The following PLB1 variants were observed in gnomAD, a reference collection of about 807,000 sequenced individuals.
The protein encoded by PLB1 is phospholipase B1, membrane-associated.
In PLB1, 242 loss-of-function variants were observed where a neutral mutation model predicts 227.4. The ratio of observed to expected loss-of-function variants is 1.06; its 90% CI spans 0.96 to 1.18. The LOEUF (loss-of-function observed/expected upper bound fraction) is 1.18. Among genes scored for constraint, PLB1 ranks in the 50% most tolerant of loss-of-function variants. The pLI is 0.00. For synonymous variants in PLB1, 757 were observed against 682.2 expected (o/e 1.11, Z -1.71); for missense variants, 1,858 against 1,816.3 (o/e 1.02, Z -0.42).
intron 49 of PLB1, among the ~76,000 whole-genome samples, chr2:28,624,812 C>T (rs1433462240): frequency 1.3e-5 from 2 of 152,068 alleles, no homozygotes; most frequent in South Asian, 4.1e-4. Flanking sequence ...TGAGGGGAGG[C>T]TTGACGGGAT....
chr2:28,606,054 G>C (rs1684631208), intron 42 of PLB1, 106 bp downstream of exon 42: 1 of 878,294 alleles, frequency 1.1e-6, no homozygotes, highest in East Asian at 2.4e-5. Flanking sequence ...GGCAGTGGCT[G>C]GTACATCTAT....
At chr2:28,600,353 C>A (rs1421696772) in intron 35 of PLB1, among the ~76,000 whole-genome samples, 3 of 152,142 alleles carry the variant, frequency 2.0e-5, no homozygotes, top group East Asian at 3.8e-4. Flanking sequence ...AAAGAGGAAG[C>A]CTGTGTGTCG....
In PLB1 at chr2:28,626,427, G is replaced by T. The variant is rs758587841; in HGVS notation, c.3580-1G>T. ...AAACTCAGGATCTTCTGTCCCCTCA[G>T]GACATCAACCTGGAGAAAGACTGGA... On this transcript the variant is annotated splice_acceptor_variant, in intron 50 of 57. Coordinates refer to ENST00000327757, the MANE Select transcript of PLB1 (RefSeq NM_153021.5). LOFTEE classifies it high-confidence loss of function. 1.2e-6 allele frequency: 2 copies of T among 1,613,856 alleles called. No individual in the cohort carries two copies. The highest frequency in any genetic ancestry group is 3.3e-4 in the Middle Eastern group (2 of 6,060).
Position 28,601,469 on chromosome 2 carries a change from C to CAACACACA in PLB1, c.2607+137_2607+138insAACACACA, listed in dbSNP as rs141173438. 3,504 of 600,168 alleles carry CAACACACA rather than the reference C, an allele frequency of 5.8e-3. 90 individuals are homozygous for CAACACACA. Among genetic ancestry groups the CAACACACA allele is most frequent in the African/African-American group, 0.056 (3,002 of 53,374 alleles). 37.2% of individuals were successfully genotyped at this position (600,168 alleles called of 1,614,324 possible). ...ACCTATGTCTGCACATATACACATA[C>CAACACACA]CACACACACACACACACACACACAC... On this transcript the variant is annotated intron_variant, in intron 37 of 57. Coordinates refer to ENST00000327757, the MANE Select transcript of PLB1 (RefSeq NM_153021.5).
rs1448904528 is a variant in PLB1, at chr2:28,541,787, T to A, written c.855T>A (p.Tyr285Ter). 5 of 1,612,474 alleles carry A rather than the reference T, an allele frequency of 3.1e-6. No homozygotes were observed. The South Asian group carries it at 5.5e-5, about 18-fold the overall frequency. Residue 285 changes from tyrosine to a stop codon, truncating the protein, a stop_gained, in exon 13 of 58, where the codon TAT (tyrosine) becomes TAA (stop). Transcript: ENST00000327757. LOFTEE classifies it high-confidence loss of function. ...CCGTGGTTTTCCAGCCTTTCTTCTA[T>A]GAGACCACCCCATCTCTACACTCGG... ...SFTVVFQPFF[Y>*]ETTPSLHSED...
At chr2:28,571,081 C>T (rs1234129112) in intron 20 of PLB1, among the ~76,000 whole-genome samples, 1 of 152,140 alleles carries the variant, frequency 6.6e-6, no homozygotes, top group Non-Finnish European at 1.5e-5. Context: ...TATATAGAGA[C>T]AATCCCAAGA....
intron 4 of PLB1, among the ~76,000 whole-genome samples, chr2:28,520,437 CTT>C (rs568246493): frequency 1.8e-3 from 281 of 152,226 alleles, no homozygotes; most frequent in African/African-American, 6.5e-3. Flanking sequence ...TTGTAAATAA[CTT>C]TTTAAATTTT....
At chr2:28,530,851 A>C (rs1244559196) in intron 8 of PLB1, among the ~76,000 whole-genome samples, 2 of 152,264 alleles carry the variant, frequency 1.3e-5, no homozygotes, top group Non-Finnish European at 2.9e-5. Context: ...TACACCATAA[A>C]GTTTGTTTTC....
intron 28 of PLB1, 88 bp from the exon 29 acceptor site, chr2:28,589,917 C>T: frequency 2.1e-6 from 3 of 1,396,332 alleles, no homozygotes; most frequent in Non-Finnish European, 3.1e-6. Context: ...TTCATCCCTC[C>T]CTGCCTCCCG....
intron 1 of PLB1, among the ~76,000 whole-genome samples, chr2:28,515,208 A>G (rs1030450667): frequency 6.6e-6 from 1 of 152,140 alleles, no homozygotes; most frequent in East Asian, 1.9e-4. Flanking sequence ...CTGCCCTGCT[A>G]ACTCCTCTAT....
intron 44 of PLB1, among the ~76,000 whole-genome samples, chr2:28,614,593 T>C (rs1002235267): frequency 3.3e-5 from 5 of 152,202 alleles, no homozygotes; most frequent in South Asian, 2.1e-4. Context: ...GTTAATTCCA[T>C]TGGATTAACC....
chr2:28,497,561 G>A (rs1666598733), intron 1 of PLB1, among the ~76,000 whole-genome samples: 1 of 152,130 alleles, frequency 6.6e-6, no homozygotes, highest in African/African-American at 2.4e-5. Context: ...TGGAAGCAGA[G>A]CAAAAAATAG....
rs896777303 is a variant in PLB1 at position 28,517,907 on chromosome 2, G to A, written c.118-559G>A. On this transcript the variant is annotated intron_variant, in intron 2 of 57. Transcript: ENST00000327757. ...TTTTTTTGAGACAGAGTCTTGCTGTGTTTGTTGCCCAGGCTGCAGGGCAGT... is the reference window on the plus strand; with the variant it reads ...TTTTTTTGAGACAGAGTCTTGCTGTATTTGTTGCCCAGGCTGCAGGGCAGT... Among the ~76,000 whole-genome samples the A allele has an allele frequency of 6.5e-5, 9 of 138,790 alleles. No homozygotes were observed. The East Asian group carries it at 1.9e-3, about 29-fold the overall frequency. 91.1% of individuals were successfully genotyped at this position (138,790 alleles called of 152,430 possible). A position where few individuals can be genotyped will look rare whatever the true frequency, so the allele number is the denominator to read the frequency against.
intron 40 of PLB1, among the ~76,000 whole-genome samples, chr2:28,604,394 C>T (rs1279781234): frequency 6.6e-6 from 1 of 152,226 alleles, no homozygotes; most frequent in Non-Finnish European, 1.5e-5. Flanking sequence ...AGGTTCTTCC[C>T]AGGTTTTTAT....
chr2:28,600,955 C>T, intron 36 of PLB1, 95 bp downstream of exon 36: 2 of 1,166,816 alleles, frequency 1.7e-6, no homozygotes, highest in South Asian at 1.3e-5. Context: ...GCAGTGAGCC[C>T]CATGTTATTA....
intron 2 of PLB1, among the ~76,000 whole-genome samples, chr2:28,517,637 AT>A (rs1669005520): frequency 6.6e-6 from 1 of 152,228 alleles, no homozygotes; most frequent in Non-Finnish European, 1.5e-5. Context: ...AAGTAGGTAA[AT>A]ATAGCATGGA....
intron 52 of PLB1, 67 bp from the exon 53 acceptor site, chr2:28,629,027 A>G: frequency 7.4e-7 from 1 of 1,346,220 alleles, no homozygotes; most frequent in Non-Finnish European, 1.0e-6. Flanking sequence ...ATTGGATTGT[A>G]GATGACCCCC....
intron 17 of PLB1, among the ~76,000 whole-genome samples, chr2:28,560,562 C>T (rs1206502482): frequency 6.6e-6 from 1 of 152,158 alleles, no homozygotes; most frequent in South Asian, 2.1e-4. Context: ...GGGAGGATCG[C>T]TTGAGCCCAG....
At chr2:28,511,638 C>G (rs1668268300) in intron 1 of PLB1, among the ~76,000 whole-genome samples, 1 of 152,130 alleles carries the variant, frequency 6.6e-6, no homozygotes, top group South Asian at 2.1e-4. Flanking sequence ...GGTTTTAGAA[C>G]TACACCTAGA....
Sources: gnomAD v4.1 joint callset for allele counts (sites outside exome capture counted in the v4.1 genomes callset) on GRCh38, gnomAD v4.1.1 for gene constraint, MANE v1.5 for transcripts, NCBI Gene and HGNC (gene_info 2026-07-23, HGNC 2026-07-21) for gene names.